Variants in NUDCD3 observed in about 807,000 individuals in gnomAD.
NUDCD3 encodes NudC domain containing 3, also known as nudC domain-containing protein 3.
A neutral mutation model predicts 39.7 loss-of-function variants in NUDCD3; 13 were observed. The ratio of observed to expected loss-of-function variants is 0.33; its 90% CI spans 0.21 to 0.52. The LOEUF is 0.52. Among genes scored for constraint, NUDCD3 ranks in the 20% least tolerant of loss-of-function variants. The pLI is 0.96. For synonymous variants in NUDCD3, 175 were observed against 172.4 expected (o/e 1.02, Z -0.12); for missense variants, 453 against 458.1 (o/e 0.99, Z 0.10).
chr7:44,456,127 GA>G (rs917199702), intron 2 of NUDCD3, among the ~76,000 whole-genome samples: 13 of 135,310 alleles, frequency 9.6e-5, no homozygotes, highest in Admixed American at 4.4e-4. Flanking sequence ...TGATAGCAAA[GA>G]AAAAAAACCT....
At chr7:44,405,675 T>G (rs1340710877) in intron 3 of NUDCD3, among the ~76,000 whole-genome samples, 1 of 152,252 alleles carries the variant, frequency 6.6e-6, no homozygotes, top group Non-Finnish European at 1.5e-5. Flanking sequence ...CTGATAGATT[T>G]TCCAAACTGG....
chr7:44,460,546 T>C (rs995558915), intron 2 of NUDCD3, among the ~76,000 whole-genome samples: 10 of 151,992 alleles, frequency 6.6e-5, no homozygotes, highest in Admixed American at 5.9e-4. Context: ...CCAGCATATA[T>C]AATACTTACC....
intron 2 of NUDCD3, among the ~76,000 whole-genome samples, 160 bp downstream of exon 2, chr7:44,484,808 A>G (rs1800569960): frequency 6.6e-6 from 1 of 152,252 alleles, no homozygotes; most frequent in Non-Finnish European, 1.5e-5. Flanking sequence ...CCCATCCTAC[A>G]TAACTGAAAG....
chr7:44,402,632 G>C (rs1362392510), intron 4 of NUDCD3: 4 of 456,380 alleles, frequency 8.8e-6, no homozygotes, highest in East Asian at 6.9e-5. Flanking sequence ...CCACACACGG[G>C]GTTGCTCACC....
rs1799304408 is a variant in NUDCD3 at position 44,429,289 on chromosome 7, A to G, written c.510-1586T>C. On this transcript the variant is annotated intron_variant, in intron 2 of 5. Transcript: ENST00000355451. Reference sequence around the variant, plus strand: ...CTTAATAAAAACAGGGTCTTTACACAGGTGATGCAGTTACAACAAGGTCAT... The same window carrying G: ...CTTAATAAAAACAGGGTCTTTACACGGGTGATGCAGTTACAACAAGGTCAT... 2.6e-5 allele frequency among the ~76,000 whole-genome samples: 4 copies of G among 152,226 alleles called. No individual in the cohort carries two copies. In the South Asian group the frequency reaches 8.3e-4, roughly 31 times the overall value.
intron 2 of NUDCD3, among the ~76,000 whole-genome samples, chr7:44,444,672 T>C (rs1247915914): frequency 6.6e-6 from 1 of 152,206 alleles, no homozygotes; most frequent in Non-Finnish European, 1.5e-5. Flanking sequence ...CTGAGTCCTG[T>C]AGGCCTGGGA....
At chr7:44,434,861 A>G (rs1799436366) in intron 2 of NUDCD3, among the ~76,000 whole-genome samples, 1 of 152,254 alleles carries the variant, frequency 6.6e-6, no homozygotes, top group Non-Finnish European at 1.5e-5. Context: ...AAATGGGAAC[A>G]CTAATAGCAT....
At chr7:44,443,752 C>T (rs1799637061) in intron 2 of NUDCD3, among the ~76,000 whole-genome samples, 1 of 152,138 alleles carries the variant, frequency 6.6e-6, no homozygotes, top group South Asian at 2.1e-4. Flanking sequence ...GCTGTTTAGG[C>T]TGAGGTCCTT....
At chr7:44,452,684 G>A (rs1799816915) in intron 2 of NUDCD3, among the ~76,000 whole-genome samples, 1 of 152,158 alleles carries the variant, frequency 6.6e-6, no homozygotes, top group Non-Finnish European at 1.5e-5. Flanking sequence ...GTGATGAGTG[G>A]TTTGATTTAA....
rs1353432621 is a variant in NUDCD3, at chr7:44,427,594, T to C, written c.619A>G (p.Lys207Glu). ...ACCTGCTTTCCCTTCACCACGTGCT[T>C]GGGTACTGGCACCCTGACCTCCAGG... ...TDLEVRVPVP[K>E]HVVKGKQVSV... Residue 207 changes from lysine (K) to glutamate (E), a missense_variant, in exon 3 of 6, where the codon AAG (lysine) becomes GAG (glutamate). Transcript: ENST00000355451. 5 of 1,613,238 alleles carry C rather than the reference T, an allele frequency of 3.1e-6. No individual in the cohort carries two copies. The highest frequency in any genetic ancestry group is 4.2e-6 in the Non-Finnish European group (5 of 1,179,634).
chr7:44,447,309 C>G (rs150780761), intron 2 of NUDCD3, among the ~76,000 whole-genome samples: 3 of 152,344 alleles, frequency 2.0e-5, no homozygotes, highest in Admixed American at 6.5e-5. Context: ...CCCAGGCCAA[C>G]AAACACTGTA....
Position 44,401,206 on chromosome 7 carries a change from C to G in NUDCD3, c.786+3234G>C, listed in dbSNP as rs534183244. Among the ~76,000 whole-genome samples the G allele has an allele frequency of 1.3e-3, 202 of 152,306 alleles. 1 individual carries two copies. The highest frequency in any genetic ancestry group is 4.6e-3 in the South Asian group (22 of 4,822). ...GCATCCACACGCTCAAAGCAGTGTG[C>G]CAAGCTCCACACAGCAGACGTGATG... On this transcript the variant is annotated intron_variant, in intron 4 of 5. Coordinates refer to ENST00000355451, the MANE Select transcript of NUDCD3 (RefSeq NM_015332.4).
chr7:44,392,227 T>C, intron 5 of NUDCD3, 70 bp downstream of exon 5: 1 of 1,462,674 alleles, frequency 6.8e-7, no homozygotes, highest in African/African-American at 1.4e-5. Context: ...CCAACCCCTC[T>C]GCCACTATCG....
rs758520265 is a variant in NUDCD3, at chr7:44,427,527, T to G, written c.642+44A>C. On this transcript the variant is annotated intron_variant, in intron 3 of 5. Coordinates refer to ENST00000355451, the MANE Select transcript of NUDCD3 (RefSeq NM_015332.4). ...GGGTCTTCCCTGCAACAGCTTTGAC[T>G]GGCTTGGGTGAAGCCGCCCACCCCT... The G allele has an allele frequency of 5.0e-6, 8 of 1,586,662 alleles. No individual in the cohort carries two copies. In the East Asian group the frequency reaches 1.8e-4, roughly 36 times the overall value.
Position 44,448,327 on chromosome 7 carries a change from C to T in NUDCD3, c.510-20624G>A, listed in dbSNP as rs1799724771. Among the ~76,000 whole-genome samples, 3 of 152,232 alleles carry T rather than the reference C, an allele frequency of 2.0e-5. 1 individual carries two copies. The South Asian group carries it at 6.2e-4, about 32-fold the overall frequency. Reference sequence around the variant, plus strand: ...GAGCCAGGGCAGCCTTTTCATCAGTCTGTCTGTGGTCACTCCTGAGGACCA... The same window carrying T: ...GAGCCAGGGCAGCCTTTTCATCAGTTTGTCTGTGGTCACTCCTGAGGACCA... On this transcript the variant is annotated intron_variant, in intron 2 of 5. Coordinates refer to ENST00000355451, the MANE Select transcript of NUDCD3 (RefSeq NM_015332.4).
chr7:44,419,022 T>G (rs952349536), intron 3 of NUDCD3, among the ~76,000 whole-genome samples: 3 of 152,082 alleles, frequency 2.0e-5, no homozygotes, highest in African/African-American at 7.2e-5. Flanking sequence ...GGAGTTTTTT[T>G]TTTGTTTGGT....
chr7:44,472,684 T>C (rs1489953027), intron 2 of NUDCD3, among the ~76,000 whole-genome samples: 1 of 152,232 alleles, frequency 6.6e-6, no homozygotes, highest in Non-Finnish European at 1.5e-5. Flanking sequence ...GTTTAGTATT[T>C]GTAGATACAA....
At chr7:44,416,454 C>T (rs1203121069) in intron 3 of NUDCD3, among the ~76,000 whole-genome samples, 4 of 150,544 alleles carry the variant, frequency 2.7e-5, no homozygotes, top group East Asian at 2.0e-4. Context: ...ATGGCGCCAC[C>T]GCACTCTAGC....
At chr7:44,390,154 CAGG>C (rs925020907) in intron 5 of NUDCD3, among the ~76,000 whole-genome samples, 1 of 152,022 alleles carries the variant, frequency 6.6e-6, no homozygotes, top group Non-Finnish European at 1.5e-5. Context: ...CATCTGAGGT[CAGG>C]AGTTCGAGAC....
Sources: allele counts gnomAD v4.1 joint callset (sites outside exome capture counted in the v4.1 genomes callset), GRCh38; gene constraint gnomAD v4.1.1; transcripts MANE v1.5; gene names NCBI Gene and HGNC (gene_info 2026-07-23, HGNC 2026-07-21).